The following SOD2 variants were observed in gnomAD, a reference collection of about 807,000 sequenced individuals.
SOD2 encodes superoxide dismutase 2.
Under a neutral mutation model 27.0 loss-of-function variants are expected in SOD2, and 11 were observed. The ratio of observed to expected loss-of-function variants is 0.41; its 90% CI spans 0.26 to 0.67. The LOEUF is 0.67. SOD2 is among the 30% of genes least tolerant of loss of function. SOD2 has a pLI of 0.34. For missense variants in SOD2, 250 were observed against 274.5 expected, an observed-to-expected ratio of 0.91 and a Z score of 0.63; for synonymous variants, 105 against 103.0, an observed-to-expected ratio of 1.02 and a Z score of -0.12.
intron 1 of SOD2, among the ~76,000 whole-genome samples, chr6:159,744,729 G>T (rs555354271): frequency 4.6e-5 from 7 of 151,400 alleles, no homozygotes; most frequent in African/African-American, 1.5e-4. Flanking sequence ...TAACCCCCCC[G>T]CCCTTTTCTT....
Position 159,706,636 on chromosome 6 carries a change from C to T in SOD2, c.-115-13773G>A, listed in dbSNP as rs552788901. ...CATAAACCAAGTCCTTAGAGACCTA[C>T]AAAGAGACTTAGACTCCCACACAAT... On this transcript the variant is annotated intron_variant, in intron 1 of 2. Coordinates refer to the SOD2 transcript ENST00000401980. Among the ~76,000 whole-genome samples, 1,228 of 152,268 alleles carry T rather than the reference C, an allele frequency of 8.1e-3. 21 individuals carry two copies. Among genetic ancestry groups the T allele is most frequent in the African/African-American group, 0.028 (1,175 of 41,544 alleles).
chr6:159,724,497 T>C (rs1047671701), intron 1 of SOD2, among the ~76,000 whole-genome samples: 1 of 152,206 alleles, frequency 6.6e-6, no homozygotes. Context: ...CAGTTGACCC[T>C]TGAACAACAC....
rs1407857200 is a variant in SOD2, at chr6:159,674,377, A to G, written c.*8116T>C. 3 of 152,258 alleles carry G rather than the reference A, an allele frequency of 2.0e-5. No homozygotes were observed. The highest frequency in any genetic ancestry group is 4.4e-5 in the Non-Finnish European group (3 of 68,046). The allele number at this position is 152,258 out of a possible 1,614,324, so 9.4% of individuals were successfully genotyped here. ...ATACTGGCAAACTGAATCCAGCAGC[A>G]TATCAAAAAGCTTATCCACCATGAT... On this transcript the variant is annotated 3_prime_UTR_variant, in exon 5 of 5. Transcript: ENST00000538183.
At chr6:159,710,638 TGACA>T (rs1777716806) in intron 1 of SOD2, among the ~76,000 whole-genome samples, 2 of 152,104 alleles carry the variant, frequency 1.3e-5, no homozygotes, top group South Asian at 4.2e-4. Context: ...AAGCTTTGAC[TGACA>T]GTCACTGGAG....
intron 1 of SOD2, among the ~76,000 whole-genome samples, chr6:159,744,440 A>G (rs1779445424): frequency 6.6e-6 from 1 of 152,184 alleles, no homozygotes; most frequent in African/African-American, 2.4e-5. Flanking sequence ...TTCATTTGGT[A>G]CATATAGAAG....
At chr6:159,760,008 A>T (rs1167940036) in intron 1 of SOD2, among the ~76,000 whole-genome samples, 1 of 152,232 alleles carries the variant, frequency 6.6e-6, no homozygotes, top group East Asian at 1.9e-4. Context: ...GTGTAACAGG[A>T]TCATCTTGGA....
chr6:159,706,895 G>T (rs1290527381), intron 1 of SOD2, among the ~76,000 whole-genome samples: 2 of 152,106 alleles, frequency 1.3e-5, no homozygotes, highest in Non-Finnish European at 2.9e-5. Context: ...AAATGTAAAA[G>T]AACAGAAATT....
chr6:159,736,372 T>A (rs1171758669), intron 1 of SOD2: 2 of 1,152,564 alleles, frequency 1.7e-6, no homozygotes, highest in Admixed American at 2.0e-5. Context: ...TAAAAAAAAA[T>A]AGACTTGAAG....
rs1205770999 is a variant in SOD2, at chr6:159,669,193, A to G, written c.*13300T>C. The G allele has an allele frequency of 1.3e-5, 2 of 152,234 alleles. No homozygotes were observed. Among genetic ancestry groups the G allele is most frequent in the Non-Finnish European group, 2.9e-5 (2 of 68,044 alleles). The allele number at this position is 152,234 out of a possible 1,614,324, so 9.4% of individuals were successfully genotyped here. A position where few individuals can be genotyped will look rare whatever the true frequency, so the allele number is the denominator to read the frequency against. On this transcript the variant is annotated 3_prime_UTR_variant, in exon 5 of 5. Transcript: ENST00000538183. ...TCGGAATTATCATGCACTGTGGTGGAAAGAACACTAAGGCAGGAAGTGGGT... is the reference window on the plus strand; with the variant it reads ...TCGGAATTATCATGCACTGTGGTGGGAAGAACACTAAGGCAGGAAGTGGGT...
rs1191337174 is a variant in SOD2 at position 159,670,504 on chromosome 6, A to G, written c.*11989T>C. 6.6e-6 allele frequency: 1 copy of G among 152,216 alleles called. No individual in the cohort carries two copies. Among genetic ancestry groups the G allele is most frequent in the East Asian group, 1.9e-4 (1 of 5,200 alleles). The allele number at this position is 152,216 out of a possible 1,614,324, so 9.4% of individuals were successfully genotyped here. On this transcript the variant is annotated 3_prime_UTR_variant, in exon 5 of 5. Transcript: ENST00000538183. ...TGGAGAACTTTGTTTAAAGGATATA[A>G]GTTGTGTGCCTTCTGTAAATGACGA...
rs1582996478 is a variant in SOD2, at chr6:159,677,232, A to T, written c.*5261T>A. 6.6e-6 allele frequency: 1 copy of T among 152,182 alleles called. No homozygotes were observed. Among genetic ancestry groups the T allele is most frequent in the East Asian group, 1.9e-4 (1 of 5,200 alleles). The allele number at this position is 152,182 out of a possible 1,614,324, so 9.4% of individuals were successfully genotyped here. A position where few individuals can be genotyped will look rare whatever the true frequency, so the allele number is the denominator to read the frequency against. ...CTGGGTGCAACAATGGGACACACTGAAAGATGACTAGCATGTCATAGGAAC... is the reference window on the plus strand; with the variant it reads ...CTGGGTGCAACAATGGGACACACTGTAAGATGACTAGCATGTCATAGGAAC... On this transcript the variant is annotated 3_prime_UTR_variant, in exon 5 of 5. Coordinates refer to ENST00000538183, the MANE Select transcript of SOD2 (RefSeq NM_000636.4).
intron 1 of SOD2, among the ~76,000 whole-genome samples, chr6:159,720,224 T>TA (rs933680794): frequency 3.3e-5 from 5 of 151,380 alleles, no homozygotes; most frequent in African/African-American, 7.3e-5. Flanking sequence ...TAAATATATA[T>TA]TTTTTTAGCA....
chr6:159,702,724 G>A (rs964153761), intron 1 of SOD2, among the ~76,000 whole-genome samples: 45 of 149,022 alleles, frequency 3.0e-4, no homozygotes, highest in African/African-American at 9.3e-4. Flanking sequence ...GGTGGTGTGC[G>A]CCTGTAGTCC....
intron 1 of SOD2, chr6:159,736,282 C>G: frequency 1.2e-6 from 2 of 1,603,540 alleles, no homozygotes; most frequent in Non-Finnish European, 1.7e-6. Flanking sequence ...AACGAAGAAC[C>G]TCTTCCCAAG....
chr6:159,702,564 C>G (rs1030630480), intron 1 of SOD2, among the ~76,000 whole-genome samples: 20 of 144,150 alleles, frequency 1.4e-4, no homozygotes, highest in Non-Finnish European at 2.8e-4. Context: ...TCCTGAAGTG[C>G]TGGGAATACA....
At chr6:159,737,349 C>T (rs537262159) in intron 1 of SOD2, among the ~76,000 whole-genome samples, 5 of 152,038 alleles carry the variant, frequency 3.3e-5, no homozygotes, top group Non-Finnish European at 7.4e-5. Flanking sequence ...CCTCTGGCAG[C>T]CTTTCAATAT....
intron 4 of SOD2, among the ~76,000 whole-genome samples, chr6:159,683,185 A>G (rs945929867): frequency 1.3e-5 from 2 of 152,174 alleles, no homozygotes; most frequent in African/African-American, 4.8e-5. Context: ...TAAAACATCC[A>G]TTTAAAAAAA....
At chr6:159,696,773 G>A (rs1210542966), upstream of SOD2, among the ~76,000 whole-genome samples, 1 of 152,120 alleles carries the variant, frequency 6.6e-6, no homozygotes. Flanking sequence ...CAGGTGCAGT[G>A]GTTCATGCTT....
chr6:159,683,445 A>G (rs910398753), intron 4 of SOD2, among the ~76,000 whole-genome samples: 5 of 152,196 alleles, frequency 3.3e-5, no homozygotes, highest in Non-Finnish European at 5.9e-5. Flanking sequence ...AGATTGCGCC[A>G]CTGCACTCCA....
Sources: allele counts gnomAD v4.1 joint callset (sites outside exome capture counted in the v4.1 genomes callset), GRCh38; gene constraint gnomAD v4.1.1; transcripts MANE v1.5; gene names NCBI Gene and HGNC (gene_info 2026-07-23, HGNC 2026-07-21).